The following ZNF385D variants were observed in gnomAD, a reference collection of about 807,000 sequenced individuals.
The protein encoded by ZNF385D is zinc finger protein 659.
A neutral mutation model predicts 35.8 loss-of-function variants in ZNF385D; 15 were observed. The observed-to-expected ratio is 0.42, with a 90% confidence interval of 0.28 to 0.64. The LOEUF is 0.64. Ranked by LOEUF, ZNF385D falls within the 30% of genes least tolerant of loss-of-function variation. The pLI is 0.23. For missense variants in ZNF385D, 474 were observed against 494.6 expected (o/e 0.96, Z 0.39); for synonymous variants, 212 against 186.8 (o/e 1.13, Z -1.10).
At chr3:22,359,399 A>G (rs1188822436) in intron 2 of ZNF385D, among the ~76,000 whole-genome samples, 1 of 151,950 alleles carries the variant, frequency 6.6e-6, no homozygotes, top group Non-Finnish European at 1.5e-5. Context: ...TCAAAAATGA[A>G]GCAAAGTCTT....
chr3:22,328,559 T>C (rs557308706), intron 2 of ZNF385D, among the ~76,000 whole-genome samples: 3 of 151,654 alleles, frequency 2.0e-5, no homozygotes, highest in Admixed American at 6.6e-5. Flanking sequence ...GATCAAGATA[T>C]CGAGACCATC....
At chr3:22,144,180 T>A (rs1704699162) in intron 3 of ZNF385D, among the ~76,000 whole-genome samples, 1 of 152,180 alleles carries the variant, frequency 6.6e-6, no homozygotes, top group Non-Finnish European at 1.5e-5. Flanking sequence ...GTTATAATTT[T>A]ACAAAAAATA....
chr3:21,566,615 T>C (rs1016158186), intron 2 of ZNF385D, among the ~76,000 whole-genome samples: 4 of 152,150 alleles, frequency 2.6e-5, no homozygotes, highest in Non-Finnish European at 5.9e-5. Context: ...AGTGAGACTC[T>C]GTCTCAAAAA....
intron 3 of ZNF385D, among the ~76,000 whole-genome samples, chr3:21,992,345 T>C (rs939492006): frequency 2.6e-5 from 4 of 152,064 alleles, no homozygotes; most frequent in Non-Finnish European, 5.9e-5. Context: ...AGCTATTATC[T>C]ATGTTAAACA....
At chr3:21,928,296 GGGAGGAAGGAAGGTA>G (rs1414375841) in intron 3 of ZNF385D, among the ~76,000 whole-genome samples, 97 of 147,368 alleles carry the variant, frequency 6.6e-4, no homozygotes, top group Admixed American at 1.8e-3. Context: ...GAAGGAAGGA[GGGAGGAAGGAAGGTA>G]GGAGGGAGGA....
At chr3:22,154,215 C>G (rs1414013672) in intron 3 of ZNF385D, among the ~76,000 whole-genome samples, 2 of 152,146 alleles carry the variant, frequency 1.3e-5, no homozygotes, top group African/African-American at 4.8e-5. Context: ...AGGCCTGCCA[C>G]TACAATTGAA....
intron 3 of ZNF385D, among the ~76,000 whole-genome samples, chr3:22,100,152 A>G (rs1013211635): frequency 1.4e-5 from 2 of 145,474 alleles, no homozygotes; most frequent in African/African-American, 5.3e-5. Flanking sequence ...CACACCAGTT[A>G]GAATGGCAAT....
intron 3 of ZNF385D, among the ~76,000 whole-genome samples, chr3:22,139,788 A>G (rs548384799): frequency 7.2e-5 from 11 of 152,174 alleles, no homozygotes; most frequent in African/African-American, 1.4e-4. Context: ...AGAATAGTTC[A>G]TTAAGTAGAG....
At chr3:21,678,723 A>G (rs539731653) in intron 1 of ZNF385D, among the ~76,000 whole-genome samples, 2 of 152,174 alleles carry the variant, frequency 1.3e-5, no homozygotes, top group South Asian at 4.2e-4. Flanking sequence ...GAGGGGAGAG[A>G]AATTCTGTAA....
intron 3 of ZNF385D, among the ~76,000 whole-genome samples, chr3:21,977,868 G>T (rs1703734181): frequency 6.6e-6 from 1 of 151,892 alleles, no homozygotes; most frequent in Non-Finnish European, 1.5e-5. Flanking sequence ...CAAAAAAGAT[G>T]ATTCAATAGC....
chr3:22,132,613 A>G (rs1352088262), intron 3 of ZNF385D, among the ~76,000 whole-genome samples: 1 of 152,190 alleles, frequency 6.6e-6, no homozygotes, highest in African/African-American at 2.4e-5. Flanking sequence ...CACTGAATTC[A>G]TTTTCTGAAA....
chr3:22,303,741 ATTCT>A (rs1559508573), intron 2 of ZNF385D, among the ~76,000 whole-genome samples: 2 of 151,902 alleles, frequency 1.3e-5, no homozygotes, highest in South Asian at 2.1e-4. Context: ...TTATTTCCTC[ATTCT>A]GAGTGTTTTT....
At chr3:21,771,077 C>A (rs2071056476) in intron 3 of ZNF385D, among the ~76,000 whole-genome samples, 1 of 109,300 alleles carries the variant, frequency 9.1e-6, no homozygotes, top group African/African-American at 3.5e-5. Context: ...ACATCACACA[C>A]TGGGGCCTGT....
At position 22,093,228 on chromosome 3, in the gene ZNF385D, A is replaced by G. The variant is rs1047285467; in HGVS notation, c.325+75589T>C. Among the ~76,000 whole-genome samples, 12 of 152,270 alleles carry G rather than the reference A, an allele frequency of 7.9e-5. No homozygotes were observed. In the East Asian group the frequency reaches 1.2e-3, roughly 15 times the overall value. ...TAAGACTACTGACTTTACTATTTTT[A>G]TAGAAATAAAACATTTTTTAGAAAA... On this transcript the variant is annotated intron_variant, in intron 3 of 5. Coordinates refer to the ZNF385D transcript ENST00000494108.
intron 3 of ZNF385D, among the ~76,000 whole-genome samples, chr3:21,558,989 CTT>C (rs55997613): frequency 3.5e-4 from 45 of 128,742 alleles, no homozygotes; most frequent in African/African-American, 6.7e-4. Context: ...GCAACCCCTG[CTT>C]TTTTTTTTTT....
At chr3:21,866,909 G>C (rs184417210) in intron 3 of ZNF385D, among the ~76,000 whole-genome samples, 1 of 152,112 alleles carries the variant, frequency 6.6e-6, no homozygotes, top group Non-Finnish European at 1.5e-5. Context: ...GTGCCTATTA[G>C]AATGAAATGA....
At chr3:22,133,616 A>C (rs2125690553) in intron 3 of ZNF385D, 1 of 152,026 alleles carries the variant, frequency 6.6e-6, no homozygotes, top group East Asian at 1.9e-4. Flanking sequence ...TTCTACTTAG[A>C]GGACTGGGGG....
chr3:21,517,593 C>T (rs1489734845), intron 3 of ZNF385D, among the ~76,000 whole-genome samples: 1 of 152,082 alleles, frequency 6.6e-6, no homozygotes, highest in Non-Finnish European at 1.5e-5. Context: ...TTAATTGGCC[C>T]TTGAGTCACT....
intron 3 of ZNF385D, among the ~76,000 whole-genome samples, chr3:21,786,818 C>A (rs1285326078): frequency 6.6e-6 from 1 of 152,122 alleles, no homozygotes; most frequent in Non-Finnish European, 1.5e-5. Context: ...CAAACCTTAT[C>A]TTTTAAACCA....
Sources: allele counts gnomAD v4.1 joint callset (sites outside exome capture counted in the v4.1 genomes callset), GRCh38; gene constraint gnomAD v4.1.1; transcripts MANE v1.5; gene names NCBI Gene and HGNC (gene_info 2026-07-23, HGNC 2026-07-21).